The following RUNDC3B variants were observed in gnomAD, a reference collection of about 807,000 sequenced individuals.
RUNDC3B encodes the protein RUN domain-containing protein 3B.
Under a neutral mutation model 58.4 loss-of-function variants are expected in RUNDC3B, and 33 were observed. That is an observed-to-expected ratio of 0.56 (90% CI 0.43 to 0.75). The LOEUF (loss-of-function observed/expected upper bound fraction) is 0.75, where lower values mean the gene tolerates loss of function less well. RUNDC3B is among the 30% of genes least tolerant of loss of function. The pLI is 0.00. For missense variants in RUNDC3B, 501 were observed against 535.7 expected (o/e 0.94, Z 0.64); for synonymous variants, 193 against 195.2 (o/e 0.99, Z 0.10).
At chr7:87,666,715 A>G (rs1403488365) in intron 2 of RUNDC3B, among the ~76,000 whole-genome samples, 1 of 152,180 alleles carries the variant, frequency 6.6e-6, no homozygotes, top group Non-Finnish European at 1.5e-5. Flanking sequence ...ATGGCTATCC[A>G]GTTTTCCCAG....
chr7:87,697,969 A>G (rs1828643978), intron 2 of RUNDC3B, among the ~76,000 whole-genome samples: 1 of 152,220 alleles, frequency 6.6e-6, no homozygotes, highest in Non-Finnish European at 1.5e-5. Flanking sequence ...GACAAACTAT[A>G]TTGAGGCATT....
chr7:87,723,616 A>G (rs1193258540), intron 4 of RUNDC3B, among the ~76,000 whole-genome samples: 1 of 152,190 alleles, frequency 6.6e-6, no homozygotes, highest in Non-Finnish European at 1.5e-5. Flanking sequence ...ATTATTAAAA[A>G]TGAGTAAAAT....
intron 2 of RUNDC3B, among the ~76,000 whole-genome samples, chr7:87,651,859 T>C (rs960892727): frequency 2.6e-5 from 4 of 152,120 alleles, no homozygotes; most frequent in African/African-American, 9.7e-5. Flanking sequence ...AAATATGAAT[T>C]CATTTATCCC....
At chr7:87,639,102 A>G (rs1373058918) in intron 1 of RUNDC3B, among the ~76,000 whole-genome samples, 1 of 145,884 alleles carries the variant, frequency 6.9e-6, no homozygotes, top group Non-Finnish European at 1.5e-5. Flanking sequence ...CAGTGAGAAG[A>G]GACGGCACAC....
intron 2 of RUNDC3B, among the ~76,000 whole-genome samples, chr7:87,698,858 T>C (rs998526888): frequency 1.3e-5 from 2 of 152,238 alleles, no homozygotes; most frequent in African/African-American, 2.4e-5. Flanking sequence ...TACATGGGTT[T>C]CTGGAAGAGG....
rs182063214 is a variant in RUNDC3B, at chr7:87,748,283, G to A, written c.629+6704G>A. ...GTGGGGGTGTGTGTTTGGGAGAGGC[G>A]GGGTTCTCCCTTTCCCACTTCCGCA... On this transcript the variant is annotated intron_variant, in intron 6 of 10. Transcript: ENST00000394654. Among the ~76,000 whole-genome samples, 814 of 152,258 alleles carry A rather than the reference G, an allele frequency of 5.3e-3. 5 individuals are homozygous for A. Among genetic ancestry groups the A allele is most frequent in the Non-Finnish European group, 6.6e-3 (450 of 68,028 alleles).
intron 6 of RUNDC3B, among the ~76,000 whole-genome samples, chr7:87,742,987 G>A (rs972702952): frequency 4.6e-5 from 7 of 151,976 alleles, no homozygotes; most frequent in African/African-American, 7.3e-5. Context: ...GGTGGCACGC[G>A]CCTGTAGTCC....
At chr7:87,649,995 C>T (rs1174804594) in intron 1 of RUNDC3B, among the ~76,000 whole-genome samples, 1 of 152,122 alleles carries the variant, frequency 6.6e-6, no homozygotes, top group East Asian at 1.9e-4. Context: ...AATCTCTTTC[C>T]TTTATAAATT....
intron 6 of RUNDC3B, among the ~76,000 whole-genome samples, chr7:87,761,107 A>G (rs936501243): frequency 4.6e-5 from 7 of 152,098 alleles, no homozygotes; most frequent in Middle Eastern, 3.4e-3. Context: ...TAGAATACAT[A>G]AAGAACTGCT....
At chr7:87,817,383 T>A (rs1219913016) in intron 10 of RUNDC3B, among the ~76,000 whole-genome samples, 1 of 152,188 alleles carries the variant, frequency 6.6e-6, no homozygotes, top group Non-Finnish European at 1.5e-5. Flanking sequence ...TAAGCCTGCT[T>A]CAGACTCTCC....
intron 6 of RUNDC3B, among the ~76,000 whole-genome samples, chr7:87,743,063 G>A (rs1832433617): frequency 6.6e-6 from 1 of 151,308 alleles, no homozygotes; most frequent in African/African-American, 2.4e-5. Context: ...GCAGTGAGCT[G>A]AGATCATGCC....
intron 4 of RUNDC3B, among the ~76,000 whole-genome samples, chr7:87,723,054 T>A (rs1389855337): frequency 1.3e-5 from 2 of 152,156 alleles, no homozygotes; most frequent in Non-Finnish European, 2.9e-5. Flanking sequence ...GGATTCCTTT[T>A]AACAAGAAAA....
At chr7:87,767,723 C>A (rs1314207571) in intron 6 of RUNDC3B, among the ~76,000 whole-genome samples, 2 of 152,146 alleles carry the variant, frequency 1.3e-5, no homozygotes, top group African/African-American at 4.8e-5. Context: ...CCAGCCCCAA[C>A]ATATGGCGGG....
chr7:87,653,069 G>A (rs942187134), intron 2 of RUNDC3B, among the ~76,000 whole-genome samples: 2 of 151,940 alleles, frequency 1.3e-5, no homozygotes, highest in Non-Finnish European at 2.9e-5. Flanking sequence ...CCCCGTTATT[G>A]AAGAAAAGGA....
intron 2 of RUNDC3B, among the ~76,000 whole-genome samples, chr7:87,679,886 T>C (rs1045945675): frequency 1.3e-5 from 2 of 150,692 alleles, no homozygotes; most frequent in Admixed American, 6.6e-5. Context: ...ACAGAAGATA[T>C]CTGAAAAATC....
chr7:87,727,376 A>G (rs549080651), intron 4 of RUNDC3B, among the ~76,000 whole-genome samples: 44 of 152,218 alleles, frequency 2.9e-4, no homozygotes, highest in Non-Finnish European at 5.6e-4. Flanking sequence ...TGGATGCAGA[A>G]AAGGCCTTTA....
At chr7:87,793,377 G>C (rs1835632635) in intron 8 of RUNDC3B, among the ~76,000 whole-genome samples, 1 of 151,962 alleles carries the variant, frequency 6.6e-6, no homozygotes, top group African/African-American at 2.4e-5. Context: ...ATCAAAAAAA[G>C]AAAACTACAG....
chr7:87,671,953 C>A (rs1825863399), intron 2 of RUNDC3B, among the ~76,000 whole-genome samples: 1 of 152,104 alleles, frequency 6.6e-6, no homozygotes, highest in South Asian at 2.1e-4. Context: ...AGGTCCTGCC[C>A]AGTGAGGAGA....
intron 2 of RUNDC3B, among the ~76,000 whole-genome samples, chr7:87,660,063 T>C (rs1000056048): frequency 2.0e-5 from 3 of 151,970 alleles, no homozygotes; most frequent in Non-Finnish European, 4.4e-5. Flanking sequence ...AAAATTAGTC[T>C]GTTTTGTGCT....
Sources: allele counts gnomAD v4.1 joint callset (sites outside exome capture counted in the v4.1 genomes callset), GRCh38; gene constraint gnomAD v4.1.1; transcripts MANE v1.5; gene names NCBI Gene and HGNC (gene_info 2026-07-23, HGNC 2026-07-21).